MYZAP: variants seen among roughly 807,000 people sequenced by gnomAD.
MYZAP encodes the protein GRINL1A complex locus upstream.
MYZAP carries 66 observed loss-of-function variants against 69.4 expected under a neutral mutation model. That is an observed-to-expected ratio of 0.95 (90% CI 0.78 to 1.17). The LOEUF (loss-of-function observed/expected upper bound fraction) is 1.17, where lower values mean the gene tolerates loss of function less well. MYZAP is among the 50% of genes most tolerant of loss of function. The pLI is 0.00. For synonymous variants in MYZAP, 256 were observed against 205.9 expected (o/e 1.24, Z -2.09); for missense variants, 611 against 556.2 (o/e 1.10, Z -0.99).
intron 10 of MYZAP, among the ~76,000 whole-genome samples, chr15:57,654,505 G>A (rs2037909584): frequency 6.6e-6 from 1 of 152,140 alleles, no homozygotes; most frequent in African/African-American, 2.4e-5. Context: ...GCTGGTGAAA[G>A]AAAATACCCC....
At chr15:57,659,062 G>A (rs571493033) in intron 10 of MYZAP, among the ~76,000 whole-genome samples, 27 of 152,184 alleles carry the variant, frequency 1.8e-4, no homozygotes, top group African/African-American at 6.3e-4. Context: ...GGAGTCCAGT[G>A]AGCTGTTACT....
In MYZAP at chr15:57,610,605, C is replaced by A. The variant is rs1208661419; in HGVS notation, c.162+6250C>A. ...AGGTCATCTCTAGGGGTCTTTGCTGCTTCTTCTAGCAAATAGAAATGTTAG... is the reference window on the plus strand; with the variant it reads ...AGGTCATCTCTAGGGGTCTTTGCTGATTCTTCTAGCAAATAGAAATGTTAG... On this transcript the variant is annotated intron_variant, in intron 2 of 12. Transcript: ENST00000267853. 2.6e-5 allele frequency among the ~76,000 whole-genome samples: 4 copies of A among 152,308 alleles called. No individual in the cohort carries two copies. In the East Asian group the frequency reaches 7.7e-4, roughly 29 times the overall value.
intron 2 of MYZAP, among the ~76,000 whole-genome samples, chr15:57,612,927 C>T (rs1272990444): frequency 1.3e-5 from 2 of 152,008 alleles, no homozygotes; most frequent in African/African-American, 2.4e-5. Context: ...TTTAATTAAG[C>T]CTTTTATTTT....
chr15:57,684,219 T>C (rs1388253849), intron 12 of MYZAP, among the ~76,000 whole-genome samples, 183 bp from the exon 13 acceptor site: 1 of 152,228 alleles, frequency 6.6e-6, no homozygotes, highest in Non-Finnish European at 1.5e-5. Context: ...AATATGAATT[T>C]GGGAAAACGT....
chr15:57,671,855 G>A (rs180688158), intron 11 of MYZAP, among the ~76,000 whole-genome samples: 150 of 152,196 alleles, frequency 9.9e-4, no homozygotes, highest in African/African-American at 3.4e-3. Context: ...CAACATCATA[G>A]TTACATCAGG....
intron 3 of MYZAP, among the ~76,000 whole-genome samples, chr15:57,619,385 C>T (rs537679115): frequency 7.9e-5 from 12 of 152,308 alleles, no homozygotes; most frequent in Admixed American, 6.5e-4. Flanking sequence ...CAGCGTCTCA[C>T]TCTGTCATCC....
chr15:57,616,400 G>A (rs1027196844), intron 2 of MYZAP, among the ~76,000 whole-genome samples: 5 of 152,176 alleles, frequency 3.3e-5, no homozygotes, highest in Non-Finnish European at 7.3e-5. Flanking sequence ...AGCACTTTGG[G>A]GGGCCGAGGT....
intron 4 of MYZAP, among the ~76,000 whole-genome samples, chr15:57,622,659 T>C (rs910870716): frequency 1.3e-5 from 2 of 152,160 alleles, no homozygotes; most frequent in Non-Finnish European, 2.9e-5. Flanking sequence ...ATATGTGCTA[T>C]TGGGAAAACT....
At chr15:57,634,799 C>G (rs1236010193) in intron 8 of MYZAP, among the ~76,000 whole-genome samples, 1 of 152,176 alleles carries the variant, frequency 6.6e-6, no homozygotes, top group African/African-American at 2.4e-5. Flanking sequence ...CTTCTACCCC[C>G]TGGGAAAACA....
chr15:57,592,195 G>A (rs923183174), intron 1 of MYZAP, 86 bp downstream of exon 1: 2 of 1,186,580 alleles, frequency 1.7e-6, no homozygotes, highest in Non-Finnish European at 2.1e-6. Context: ...GGGAAAGCTC[G>A]GGAGCCAGCA....
chr15:57,668,173 T>C (rs2038684282), intron 11 of MYZAP, among the ~76,000 whole-genome samples: 1 of 152,218 alleles, frequency 6.6e-6, no homozygotes, highest in Non-Finnish European at 1.5e-5. Flanking sequence ...TATCGCAGTT[T>C]ATTCATTCAG....
intron 12 of MYZAP, among the ~76,000 whole-genome samples, chr15:57,679,536 T>C (rs571876689): frequency 7.9e-5 from 12 of 152,226 alleles, no homozygotes; most frequent in African/African-American, 2.6e-4. Flanking sequence ...CATCTCCCTG[T>C]AGCATTTGAC....
chr15:57,632,817 T>G (rs1290892585), intron 7 of MYZAP, among the ~76,000 whole-genome samples: 1 of 152,200 alleles, frequency 6.6e-6, no homozygotes, highest in Non-Finnish European at 1.5e-5. Context: ...ATCTGACAAT[T>G]TGCCAGCATC....
At chr15:57,630,367 A>G (rs1364074879) in intron 6 of MYZAP, among the ~76,000 whole-genome samples, 1 of 152,186 alleles carries the variant, frequency 6.6e-6, no homozygotes, top group Non-Finnish European at 1.5e-5. Context: ...TGCTGTTGTT[A>G]TGTAACTGAG....
At chr15:57,682,173 A>C (rs1821520536) in intron 12 of MYZAP, among the ~76,000 whole-genome samples, 1 of 152,112 alleles carries the variant, frequency 6.6e-6, no homozygotes, top group Non-Finnish European at 1.5e-5. Flanking sequence ...TCCATCTAGC[A>C]ACCCTGCCTG....
At chr15:57,646,362 T>C in intron 10 of MYZAP, 2 of 1,180,354 alleles carry the variant, frequency 1.7e-6, no homozygotes, top group Non-Finnish European at 2.1e-6. Context: ...GGCTCTTGTT[T>C]GTGAAAACAC....
intron 11 of MYZAP, among the ~76,000 whole-genome samples, chr15:57,662,917 G>A (rs1316918733): frequency 2.6e-5 from 4 of 152,140 alleles, no homozygotes; most frequent in African/African-American, 9.7e-5. Flanking sequence ...CAGATTCAAC[G>A]CCCAAGAGTC....
At chr15:57,664,980 C>T (rs1175642339) in intron 11 of MYZAP, among the ~76,000 whole-genome samples, 1 of 152,152 alleles carries the variant, frequency 6.6e-6, no homozygotes, top group Non-Finnish European at 1.5e-5. Context: ...ATGGTAAATG[C>T]CATATGTGTT....
rs1201811570 is a variant in MYZAP, at chr15:57,684,813, TTTGG to T, written c.*320_*323del. The T allele has an allele frequency of 4.9e-6, 1 of 205,690 alleles. No homozygotes were observed. The highest frequency in any genetic ancestry group is 9.7e-6 in the Non-Finnish European group (1 of 103,466). The allele number at this position is 205,690 out of a possible 1,614,324, so 12.7% of individuals were successfully genotyped here. On this transcript the variant is annotated 3_prime_UTR_variant, in exon 13 of 13. Transcript: ENST00000267853. ...TCACAATGTATTTTATTTGCTAGAC[TTTGG>T]TTGGGAGGGAAAAGGACATTAATTT...
Sources: gnomAD v4.1 joint callset for allele counts (sites outside exome capture counted in the v4.1 genomes callset) on GRCh38, gnomAD v4.1.1 for gene constraint, MANE v1.5 for transcripts, NCBI Gene and HGNC (gene_info 2026-07-23, HGNC 2026-07-21) for gene names.